FHAD1: variants seen among roughly 807,000 people sequenced by gnomAD.
FHAD1 encodes forkhead-associated domain-containing protein 1.
A neutral mutation model predicts 191.3 loss-of-function variants in FHAD1; 146 were observed. That is an observed-to-expected ratio of 0.76 (90% CI 0.67 to 0.88). FHAD1 has a LOEUF of 0.88. Among genes scored for constraint, FHAD1 ranks in the 40% least tolerant of loss-of-function variants. The pLI is 0.00. For missense variants in FHAD1, 1,635 were observed against 1,785.8 expected (o/e 0.92, Z 1.52); for synonymous variants, 616 against 672.3 (o/e 0.92, Z 1.29).
chr1:15,390,305 A>G lies in FHAD1; in HGVS notation c.4270-905A>G, dbSNP rs1423907291. Among the ~76,000 whole-genome samples the G allele has an allele frequency of 2.1e-5, 3 of 143,434 alleles. No individual in the cohort carries two copies. In the Admixed American group the frequency reaches 2.2e-4, roughly 11 times the overall value. 94.1% of individuals were successfully genotyped at this position (143,434 alleles called of 152,430 possible). Reference sequence around the variant, plus strand: ...GGTTGCAGTGAGCCGAGATCGCACCACTGCACTCCAGCCTGGGTGACAGAG... The same window carrying G: ...GGTTGCAGTGAGCCGAGATCGCACCGCTGCACTCCAGCCTGGGTGACAGAG... On this transcript the variant is annotated intron_variant, in intron 32 of 33. Transcript: ENST00000688493.
At chr1:15,339,092 C>G (rs1685473530) in intron 14 of FHAD1, among the ~76,000 whole-genome samples, 1 of 152,202 alleles carries the variant, frequency 6.6e-6, no homozygotes, top group African/African-American at 2.4e-5. Context: ...TCTGGGCTCA[C>G]TGCAACCTCT....
In FHAD1 at chr1:15,380,651, AAGTC is replaced by A. The variant is rs745617943; in HGVS notation, c.3706-48_3706-45del. ...CAGTGCTTTAGCTTCCAGTCATAGA[AAGTC>A]ATAATGGAATGTCAAGAGAGGCCTT... On this transcript the variant is annotated intron_variant, in intron 28 of 33. Transcript: ENST00000688493. The A allele has an allele frequency of 4.8e-5, 68 of 1,430,492 alleles. No individual in the cohort carries two copies. The African/African-American group carries it at 7.9e-4, about 17-fold the overall frequency. 88.6% of individuals were successfully genotyped at this position (1,430,492 alleles called of 1,614,324 possible). A position where few individuals can be genotyped will look rare whatever the true frequency, so the allele number is the denominator to read the frequency against.
chr1:15,341,160 C>T (rs984769981), intron 15 of FHAD1, among the ~76,000 whole-genome samples: 15 of 152,040 alleles, frequency 9.9e-5, no homozygotes, highest in Non-Finnish European at 1.8e-4. Context: ...GCAGCCTGGG[C>T]GACAGAGCAA....
intron 20 of FHAD1, among the ~76,000 whole-genome samples, chr1:15,354,814 C>A (rs1244397161): frequency 2.0e-5 from 3 of 152,220 alleles, no homozygotes; most frequent in Non-Finnish European, 4.4e-5. Context: ...TATGACCATT[C>A]TTGATACTAG....
Position 15,354,946 on chromosome 1 carries a change from C to T in FHAD1, c.2562+1962C>T, listed in dbSNP as rs1030271024. 1.2e-4 allele frequency among the ~76,000 whole-genome samples: 18 copies of T among 147,344 alleles called. No individual in the cohort carries two copies. In the East Asian group the frequency reaches 2.2e-3, roughly 18 times the overall value. On this transcript the variant is annotated intron_variant, in intron 20 of 33. Transcript: ENST00000688493. ...AGTCTTGGCCGGGCGCAGTGACTCACGCCTGTAATCCCAGCACTTTGGGAG... is the reference window on the plus strand; with the variant it reads ...AGTCTTGGCCGGGCGCAGTGACTCATGCCTGTAATCCCAGCACTTTGGGAG...
At chr1:15,275,990 C>A (rs1658225828) in intron 3 of FHAD1, among the ~76,000 whole-genome samples, 1 of 152,134 alleles carries the variant, frequency 6.6e-6, no homozygotes, top group South Asian at 2.1e-4. Context: ...ACAGCCATTT[C>A]AATAGGAAAT....
intron 14 of FHAD1, among the ~76,000 whole-genome samples, 153 bp from the exon 15 acceptor site, chr1:15,339,328 C>T (rs757868044): frequency 5.9e-5 from 9 of 152,156 alleles, no homozygotes; most frequent in Non-Finnish European, 1.2e-4. Flanking sequence ...GCCTAAGCCA[C>T]CGTGCCCGGC....
chr1:15,318,752 G>A lies in FHAD1; in HGVS notation c.1365+824G>A, dbSNP rs1574297023. On this transcript the variant is annotated intron_variant, in intron 10 of 33. Transcript: ENST00000688493. The surrounding 1 kb of genome is among the most constrained non-coding windows in gnomAD (Gnocchi z 4.1). Reference sequence around the variant, plus strand: ...GGTGGCTGCTGCACTGGACAGCACAGATATGGAAATTTCCATCAGCACAGC... The same window carrying A: ...GGTGGCTGCTGCACTGGACAGCACAAATATGGAAATTTCCATCAGCACAGC... 6.6e-6 allele frequency among the ~76,000 whole-genome samples: 1 copy of A among 152,212 alleles called. No homozygotes were observed. The highest frequency in any genetic ancestry group is 1.5e-5 in the Non-Finnish European group (1 of 68,040).
At chr1:15,343,037 A>G (rs1687374105) in intron 16 of FHAD1, among the ~76,000 whole-genome samples, 1 of 150,776 alleles carries the variant, frequency 6.6e-6, no homozygotes, top group South Asian at 2.1e-4. Context: ...GCATCAAGTG[A>G]TCCTCCCACC....
chr1:15,385,325 C>T (rs1014486518), intron 31 of FHAD1, among the ~76,000 whole-genome samples: 6 of 151,806 alleles, frequency 4.0e-5, no homozygotes, highest in Admixed American at 2.6e-4. Flanking sequence ...TTCCACGTCT[C>T]CTGTATAAAA....
chr1:15,360,947 C>T (rs1432082103), intron 22 of FHAD1, among the ~76,000 whole-genome samples: 1 of 152,176 alleles, frequency 6.6e-6, no homozygotes, highest in African/African-American at 2.4e-5. Flanking sequence ...GCCGGCGAGA[C>T]ACACAGGCTA....
chr1:15,320,946 T>C (rs1332840214), intron 10 of FHAD1, among the ~76,000 whole-genome samples: 1 of 152,238 alleles, frequency 6.6e-6, no homozygotes, highest in Non-Finnish European at 1.5e-5. Flanking sequence ...GTTGTTTGTT[T>C]GTTTTTTGAG....
chr1:15,364,906 C>G (rs578094522), intron 23 of FHAD1, among the ~76,000 whole-genome samples: 2 of 152,206 alleles, frequency 1.3e-5, no homozygotes, highest in Admixed American at 6.5e-5. Flanking sequence ...AGCCTCCCTC[C>G]CATCAACCAT....
intron 16 of FHAD1, among the ~76,000 whole-genome samples, chr1:15,344,098 T>C (rs1469780485): frequency 2.0e-5 from 3 of 152,178 alleles, no homozygotes; most frequent in Non-Finnish European, 2.9e-5. Flanking sequence ...ATCAGGTCCC[T>C]GCCAGACAGA....
At chr1:15,241,388 C>T (rs1645350170) in intron 1 of FHAD1, among the ~76,000 whole-genome samples, 1 of 152,222 alleles carries the variant, frequency 6.6e-6, no homozygotes, top group Non-Finnish European at 1.5e-5. Flanking sequence ...GGCGCAGTGG[C>T]TCACGCCTAT....
chr1:15,332,677 C>T (rs1682210827), intron 14 of FHAD1, among the ~76,000 whole-genome samples: 1 of 152,178 alleles, frequency 6.6e-6, no homozygotes, highest in Non-Finnish European at 1.5e-5. Context: ...TATGATTACT[C>T]CACTGCACTG....
chr1:15,365,835 T>G lies in FHAD1; in HGVS notation c.3056T>G (p.Leu1019Ter). ...GTTTTTGTGAATTTCAGAGATGACT[T>G]ATTGGCTGCTCAGAAGGAAATTCTG... is the stretch of plus-strand genomic sequence containing the variant. ...DMAYEHLIDD[L>*]LAAQKEILSQ... Residue 1019 changes from leucine (L) to a stop codon, truncating the protein, a stop_gained, in exon 24 of 34, where the codon TTA (leucine) becomes TGA (stop). Transcript: ENST00000688493. LOFTEE classifies it high-confidence loss of function. 1 of 1,550,200 alleles carries G rather than the reference T, an allele frequency of 6.5e-7. No individual in the cohort carries two copies. The highest frequency in any genetic ancestry group is 8.7e-7 in the Non-Finnish European group (1 of 1,145,628).
intron 1 of FHAD1, among the ~76,000 whole-genome samples, chr1:15,248,294 G>T (rs1646345811): frequency 1.3e-5 from 2 of 152,160 alleles, no homozygotes; most frequent in African/African-American, 4.8e-5. Flanking sequence ...CTACTTGCAA[G>T]CTAAGTTAGC....
At position 15,388,138 on chromosome 1, in the gene FHAD1, GA is replaced by G. The variant is rs537001564; in HGVS notation, c.4269+8del. Reference sequence around the variant, plus strand: ...CAAAGAGAAAGACAGGCAGGTATGGGAGGTGTTCTGATGTTGCAGACACAGA... The same window carrying G: ...CAAAGAGAAAGACAGGCAGGTATGGGGGTGTTCTGATGTTGCAGACACAGA... On this transcript the variant is annotated splice_region_variant and intron_variant, in intron 32 of 33. Coordinates refer to ENST00000688493, the MANE Select transcript of FHAD1 (RefSeq NM_001391957.1). The G allele has an allele frequency of 2.2e-4, 282 of 1,286,934 alleles. No individual in the cohort carries two copies. In the African/African-American group the frequency reaches 4.1e-3, roughly 18 times the overall value. The allele number at this position is 1,286,934 out of a possible 1,614,324, so 79.7% of individuals were successfully genotyped here.
Sources: allele counts gnomAD v4.1 joint callset (sites outside exome capture counted in the v4.1 genomes callset), GRCh38; gene constraint gnomAD v4.1.1; non-coding constraint Gnocchi (gnomAD v3.1); transcripts MANE v1.5; gene names NCBI Gene and HGNC (gene_info 2026-07-23, HGNC 2026-07-21).